Variants in FRMPD1 observed in about 807,000 individuals in gnomAD.
The protein encoded by FRMPD1 is FERM and PDZ domain containing 1, also known as FERM and PDZ domain-containing protein 1.
FRMPD1 carries 76 observed loss-of-function variants against 117.8 expected under a neutral mutation model. The observed-to-expected ratio is 0.65, with a 90% CI of 0.54 to 0.78. The LOEUF (loss-of-function observed/expected upper bound fraction) is 0.78. FRMPD1 is among the 30% of genes least tolerant of loss of function. FRMPD1 has a pLI of 0.00. For missense variants in FRMPD1, 1,786 were observed against 1,964.5 expected (o/e 0.91, Z 1.72); for synonymous variants, 783 against 770.4 (o/e 1.02, Z -0.27).
At chr9:37,720,685 G>A (rs561744916) in intron 6 of FRMPD1, among the ~76,000 whole-genome samples, 1 of 151,196 alleles carries the variant, frequency 6.6e-6, no homozygotes, top group Admixed American at 6.6e-5. Context: ...AAAAGAGATC[G>A]AGACTATCCT....
intron 12 of FRMPD1, 39 bp downstream of exon 12, chr9:37,733,864 G>C (rs1824005272): frequency 9.3e-7 from 1 of 1,077,638 alleles, no homozygotes; most frequent in Non-Finnish European, 1.4e-6. Context: ...CTCACGTAAG[G>C]GACCTTAGAG....
chr9:37,734,486 G>A (rs1017810495), intron 12 of FRMPD1, among the ~76,000 whole-genome samples: 1 of 151,786 alleles, frequency 6.6e-6, no homozygotes, highest in Admixed American at 6.6e-5. Flanking sequence ...CCTAGAGCTT[G>A]TGCCTTTCAG....
intron 1 of FRMPD1, among the ~76,000 whole-genome samples, chr9:37,672,958 A>G (rs1169800963): frequency 6.6e-6 from 1 of 152,184 alleles, no homozygotes; most frequent in Non-Finnish European, 1.5e-5. Flanking sequence ...TTGAGATTTG[A>G]ATGGGGACAC....
intron 2 of FRMPD1, among the ~76,000 whole-genome samples, chr9:37,704,692 AAT>A (rs1386621802): frequency 6.6e-6 from 1 of 151,952 alleles, no homozygotes; most frequent in Non-Finnish European, 1.5e-5. Context: ...CACTCCCTAA[AAT>A]ATAGTTAGTA....
At chr9:37,637,229 G>A in the FRMPD1 span, 1 of 1,610,762 alleles carries the variant, frequency 6.2e-7, no homozygotes, top group Non-Finnish European at 8.5e-7. Context: ...GAGCAGGCAT[G>A]ACTTGCCCAC....
chr9:37,651,862 C>A (rs1222981285), intron 1 of FRMPD1, among the ~76,000 whole-genome samples: 1 of 152,230 alleles, frequency 6.6e-6, no homozygotes, highest in African/African-American at 2.4e-5. Context: ...TCTGGAGAAG[C>A]GGAACCTCCG....
intron 2 of FRMPD1, among the ~76,000 whole-genome samples, chr9:37,702,975 T>A (rs1822585304): frequency 6.6e-6 from 1 of 152,218 alleles, no homozygotes; most frequent in African/African-American, 2.4e-5. Context: ...TATTTTTGAA[T>A]ACTTAAGAGC....
At chr9:37,672,647 G>T (rs1169648965) in intron 1 of FRMPD1, among the ~76,000 whole-genome samples, 10 of 152,140 alleles carry the variant, frequency 6.6e-5, no homozygotes, top group Admixed American at 2.0e-4. Context: ...GCTGAGATAT[G>T]AGCCTGTATT....
At chr9:37,645,920 T>C in the FRMPD1 span, among the ~76,000 whole-genome samples, 15 of 152,226 alleles carry the variant, frequency 9.9e-5, no homozygotes, top group Non-Finnish European at 1.8e-4. Flanking sequence ...TCAGGGAACA[T>C]TGGTTGTCAT....
intron 1 of FRMPD1, among the ~76,000 whole-genome samples, chr9:37,670,561 G>A (rs1821316945): frequency 6.6e-6 from 1 of 152,328 alleles, no homozygotes; most frequent in South Asian, 2.1e-4. Context: ...TAGGATGGGG[G>A]TTATGTGAAG....
intron 7 of FRMPD1, 105 bp downstream of exon 7, chr9:37,724,425 C>T (rs1449150538): frequency 1.3e-5 from 8 of 622,796 alleles, no homozygotes; most frequent in Non-Finnish European, 2.1e-5. Flanking sequence ...TCACAAACAC[C>T]GTGGTCTGAG....
In FRMPD1 at chr9:37,740,094, C is replaced by T. The variant is rs139779647; in HGVS notation, c.1566C>T (p.Ala522=). ...VSAEEGYESR[A]CSDSEESSEV... ...GTGTTGCAGGCTATGAATCCAGGGC[C>T]TGCAGTGACTCAGAGGAGTCCTCTG... Residue 522 remains alanine, a synonymous_variant, in exon 15 of 16, where the codon GCC becomes GCT. Coordinates refer to ENST00000377765, the MANE Select transcript of FRMPD1 (RefSeq NM_014907.3). The surrounding 1 kb of genome is among the most constrained non-coding windows in gnomAD (Gnocchi z 4.2). 9 of 1,604,538 alleles carry T rather than the reference C, an allele frequency of 5.6e-6. No homozygotes were observed. The African/African-American group carries it at 1.1e-4, about 19-fold the overall frequency.
chr9:37,629,489 C>A, the FRMPD1 span, among the ~76,000 whole-genome samples: 2 of 152,194 alleles, frequency 1.3e-5, no homozygotes, highest in African/African-American at 4.8e-5. Context: ...CCTTCGCTTC[C>A]TCCAGTACTA....
the FRMPD1 span, chr9:37,636,921 G>C: frequency 6.2e-7 from 1 of 1,608,308 alleles, no homozygotes. Context: ...TTGGTGGTGA[G>C]GTCGCTCTTG....
intron 2 of FRMPD1, among the ~76,000 whole-genome samples, chr9:37,698,816 G>A (rs1346063215): frequency 2.6e-5 from 4 of 152,044 alleles, no homozygotes; most frequent in South Asian, 2.1e-4. Context: ...TTGGCTCACC[G>A]CAACCTCTGC....
At chr9:37,667,928 A>G (rs1821218223) in intron 1 of FRMPD1, 1 of 152,254 alleles carries the variant, frequency 6.6e-6, no homozygotes, top group Admixed American at 6.5e-5. Flanking sequence ...AGGGGGGATA[A>G]TGTGCTTAGG....
At position 37,667,211 on chromosome 9, in the gene FRMPD1, C is replaced by T. The variant is rs557956978; in HGVS notation, c.-5+16117C>T. ...TCCCAAGCAGCTGGGACCACAGGTGCGCACCACCAAGCCCAGCTATTTTCT... is the reference window on the plus strand; with the variant it reads ...TCCCAAGCAGCTGGGACCACAGGTGTGCACCACCAAGCCCAGCTATTTTCT... On this transcript the variant is annotated intron_variant, in intron 1 of 15. Transcript: ENST00000377765. 1.0e-3 allele frequency among the ~76,000 whole-genome samples: 154 copies of T among 151,470 alleles called. 1 individual carries two copies. The highest frequency in any genetic ancestry group is 3.7e-3 in the African/African-American group (152 of 41,312).
At chr9:37,618,676 C>A in the FRMPD1 span, among the ~76,000 whole-genome samples, 6 of 152,048 alleles carry the variant, frequency 3.9e-5, no homozygotes, top group Non-Finnish European at 8.8e-5. Flanking sequence ...GACCATATAC[C>A]CTATATGCCA....
intron 1 of FRMPD1, among the ~76,000 whole-genome samples, chr9:37,676,915 T>G (rs866123422): frequency 1.4e-4 from 21 of 152,308 alleles, no homozygotes; most frequent in African/African-American, 4.6e-4. Context: ...TATAACACGA[T>G]GAACACCCAA....
Sources: gnomAD v4.1 joint callset for allele counts (sites outside exome capture counted in the v4.1 genomes callset) on GRCh38, gnomAD v4.1.1 for gene constraint, Gnocchi (gnomAD v3.1) non-coding constraint, MANE v1.5 for transcripts, NCBI Gene and HGNC (gene_info 2026-07-23, HGNC 2026-07-21) for gene names.